The following ZNF385B variants were observed in gnomAD, a reference collection of about 807,000 sequenced individuals.
The protein encoded by ZNF385B is zinc finger protein 533.
A neutral mutation model predicts 39.2 loss-of-function variants in ZNF385B; 23 were observed. The ratio of observed to expected loss-of-function variants is 0.59; its 90% CI spans 0.42 to 0.83. ZNF385B has a LOEUF of 0.83. Among genes scored for constraint, ZNF385B ranks in the 40% least tolerant of loss-of-function variants. ZNF385B has a pLI of 0.00. For synonymous variants in ZNF385B, 205 were observed against 222.6 expected, an observed-to-expected ratio of 0.92 and a Z score of 0.70; for missense variants, 552 against 598.9, an observed-to-expected ratio of 0.92 and a Z score of 0.82.
chr2:179,517,546 T>C (rs796686340), intron 5 of ZNF385B, among the ~76,000 whole-genome samples: 2 of 152,188 alleles, frequency 1.3e-5, no homozygotes, highest in African/African-American at 4.8e-5. Flanking sequence ...ATGCTTCCTA[T>C]GTAGAATTAT....
At chr2:179,793,609 T>C (rs1237606215) in intron 1 of ZNF385B, among the ~76,000 whole-genome samples, 2 of 152,182 alleles carry the variant, frequency 1.3e-5, no homozygotes, top group African/African-American at 4.8e-5. Context: ...TCCATCATGA[T>C]TGTAAGTTTC....
At position 179,571,821 on chromosome 2, in the gene ZNF385B, T is replaced by C. The variant is rs187793185; in HGVS notation, c.299-26852A>G. Reference sequence around the variant, plus strand: ...AGGGCTCTTAGACACAACCCTCCTCTGGCCATATTCCTACCCAGTTCGTAG... The same window carrying C: ...AGGGCTCTTAGACACAACCCTCCTCCGGCCATATTCCTACCCAGTTCGTAG... On this transcript the variant is annotated intron_variant, in intron 3 of 9. Coordinates refer to ENST00000410066, the MANE Select transcript of ZNF385B (RefSeq NM_152520.6). 1.8e-4 allele frequency among the ~76,000 whole-genome samples: 28 copies of C among 152,162 alleles called. No individual in the cohort carries two copies. The East Asian group carries it at 5.4e-3, about 29-fold the overall frequency.
At chr2:179,755,051 T>C (rs1487514633) in intron 3 of ZNF385B, among the ~76,000 whole-genome samples, 3 of 152,248 alleles carry the variant, frequency 2.0e-5, no homozygotes, top group Non-Finnish European at 4.4e-5. Flanking sequence ...TGTTTCCTGC[T>C]TTCTCTTGTG....
intron 3 of ZNF385B, among the ~76,000 whole-genome samples, chr2:179,593,236 T>A (rs1037153167): frequency 6.6e-6 from 1 of 151,994 alleles, no homozygotes; most frequent in Non-Finnish European, 1.5e-5. Flanking sequence ...ATGAAAAAAA[T>A]ATTAAAGTTT....
At chr2:179,736,683 A>G (rs1701778949) in intron 3 of ZNF385B, among the ~76,000 whole-genome samples, 1 of 152,176 alleles carries the variant, frequency 6.6e-6, no homozygotes, top group African/African-American at 2.4e-5. Flanking sequence ...AAAACTTTAT[A>G]CCAGGGCCAG....
intron 3 of ZNF385B, among the ~76,000 whole-genome samples, chr2:179,661,045 C>T (rs1306371540): frequency 6.6e-6 from 1 of 152,158 alleles, no homozygotes; most frequent in Non-Finnish European, 1.5e-5. Flanking sequence ...CTATATTTCT[C>T]TATTCCTTAA....
intron 1 of ZNF385B, among the ~76,000 whole-genome samples, chr2:179,820,468 C>A (rs546085986): frequency 6.6e-6 from 1 of 152,000 alleles, no homozygotes; most frequent in East Asian, 1.9e-4. Context: ...TTTCCATCTT[C>A]TAACATTAAA....
chr2:179,712,678 C>T (rs915614714), intron 3 of ZNF385B, among the ~76,000 whole-genome samples: 2 of 152,162 alleles, frequency 1.3e-5, no homozygotes, highest in African/African-American at 4.8e-5. Flanking sequence ...TCTCAGGCTT[C>T]GTATCTGATG....
intron 3 of ZNF385B, among the ~76,000 whole-genome samples, chr2:179,684,782 T>A (rs372896072): frequency 1.3e-5 from 2 of 152,226 alleles, no homozygotes; most frequent in Non-Finnish European, 2.9e-5. Context: ...CCCCAAGGAA[T>A]GTCCAAAGAC....
At chr2:179,560,686 T>G (rs1337070895) in intron 3 of ZNF385B, among the ~76,000 whole-genome samples, 1 of 152,182 alleles carries the variant, frequency 6.6e-6, no homozygotes, top group Admixed American at 6.5e-5. Flanking sequence ...TCTGTCTCTC[T>G]CTGTTTCTGT....
At chr2:179,457,659 T>G (rs2050848092) in intron 6 of ZNF385B, among the ~76,000 whole-genome samples, 1 of 152,206 alleles carries the variant, frequency 6.6e-6, no homozygotes, top group African/African-American at 2.4e-5. Context: ...TTTCTTTTTT[T>G]TATTGGCCAA....
intron 3 of ZNF385B, among the ~76,000 whole-genome samples, chr2:179,608,590 T>G (rs981017200): frequency 2.0e-5 from 3 of 152,162 alleles, no homozygotes; most frequent in Non-Finnish European, 2.9e-5. Context: ...AATCAGAATT[T>G]TAATCTTTAC....
chr2:179,611,205 A>G (rs953400203), intron 3 of ZNF385B, among the ~76,000 whole-genome samples: 5 of 152,102 alleles, frequency 3.3e-5, no homozygotes, highest in Admixed American at 3.3e-4. Context: ...ATTGTGTTGA[A>G]GTATACTCTT....
intron 3 of ZNF385B, among the ~76,000 whole-genome samples, chr2:179,553,939 A>C (rs1377650630): frequency 6.7e-6 from 1 of 149,014 alleles, no homozygotes; most frequent in Admixed American, 6.7e-5. Context: ...CAGCAGACAG[A>C]TATGTTAGAA....
chr2:179,451,019 A>G (rs1438861140), intron 6 of ZNF385B, among the ~76,000 whole-genome samples: 7 of 147,126 alleles, frequency 4.8e-5, no homozygotes, highest in Non-Finnish European at 1.0e-4. Flanking sequence ...CAAACACCAC[A>G]TGTTCTCACT....
intron 3 of ZNF385B, among the ~76,000 whole-genome samples, chr2:179,603,792 T>C (rs1688589310): frequency 6.6e-6 from 1 of 152,150 alleles, no homozygotes; most frequent in South Asian, 2.1e-4. Context: ...GGCCAGTAAT[T>C]CCTCCATATA....
At chr2:179,599,348 A>T (rs1052717959) in intron 3 of ZNF385B, among the ~76,000 whole-genome samples, 2 of 152,010 alleles carry the variant, frequency 1.3e-5, no homozygotes, top group Non-Finnish European at 2.9e-5. Context: ...GGAAGTATTT[A>T]AAACAGTAAA....
chr2:179,443,174 T>C lies in ZNF385B; in HGVS notation c.*76A>G. On this transcript the variant is annotated 3_prime_UTR_variant, in exon 10 of 10. Coordinates refer to ENST00000410066, the MANE Select transcript of ZNF385B (RefSeq NM_152520.6). ...GAATGGGGGGTACTGCAACACAAAC[T>C]GCTTAAATTGCTGAATCCTTGTGGC... The C allele has an allele frequency of 6.4e-7, 1 of 1,563,334 alleles. No homozygotes were observed. Among genetic ancestry groups the C allele is most frequent in the Non-Finnish European group, 8.8e-7 (1 of 1,139,324 alleles).
At chr2:179,486,532 C>T (rs373074125) in intron 5 of ZNF385B, among the ~76,000 whole-genome samples, 32 of 152,248 alleles carry the variant, frequency 2.1e-4, no homozygotes, top group African/African-American at 7.5e-4. Context: ...TAACTTAATC[C>T]TATAGAAATT....
Sources: gnomAD v4.1 joint callset for allele counts (sites outside exome capture counted in the v4.1 genomes callset) on GRCh38, gnomAD v4.1.1 for gene constraint, MANE v1.5 for transcripts, NCBI Gene and HGNC (gene_info 2026-07-23, HGNC 2026-07-21) for gene names.